The following PTPRD variants were observed in gnomAD, a reference collection of about 807,000 sequenced individuals.
The protein encoded by PTPRD is receptor-type tyrosine-protein phosphatase delta.
A neutral mutation model predicts 214.5 loss-of-function variants in PTPRD; 34 were observed. That is an observed-to-expected ratio of 0.16 (90% CI 0.12 to 0.21). PTPRD has a LOEUF of 0.21. Among genes scored for constraint, PTPRD ranks in the 10% least tolerant of loss-of-function variants. The pLI is 1.00. For missense variants in PTPRD, 2,545 were observed against 2,398.7 expected (o/e 1.06, Z -1.27); for synonymous variants, 1,128 against 845.7 (o/e 1.33, Z -5.79).
At chr9:10,267,392 G>A (rs1015028425) in intron 3 of PTPRD, among the ~76,000 whole-genome samples, 3 of 151,966 alleles carry the variant, frequency 2.0e-5, no homozygotes, top group Non-Finnish European at 4.4e-5. Context: ...TATGGTTTAA[G>A]CAATGAAAAA....
intron 3 of PTPRD, among the ~76,000 whole-genome samples, chr9:10,203,892 A>G (rs1441525293): frequency 6.6e-6 from 1 of 152,196 alleles, no homozygotes; most frequent in East Asian, 1.9e-4. Context: ...AAGATTAGAG[A>G]AAACAAATTT....
At chr9:10,289,312 C>G (rs762785325) in intron 3 of PTPRD, among the ~76,000 whole-genome samples, 2 of 152,122 alleles carry the variant, frequency 1.3e-5, no homozygotes, top group Non-Finnish European at 2.9e-5. Flanking sequence ...AACTTTTACA[C>G]TTTTGTTTCT....
chr9:9,201,847 T>A (rs992894259), intron 9 of PTPRD, among the ~76,000 whole-genome samples: 2 of 152,212 alleles, frequency 1.3e-5, no homozygotes, highest in Non-Finnish European at 2.9e-5. Context: ...GCCAAATGTT[T>A]ACCATGCAGA....
intron 10 of PTPRD, among the ~76,000 whole-genome samples, chr9:9,118,767 T>C (rs1455153380): frequency 6.6e-6 from 1 of 152,182 alleles, no homozygotes; most frequent in South Asian, 2.1e-4. Flanking sequence ...GCCCTTTTTA[T>C]TTTTATAATT....
At chr9:9,294,907 GT>G in intron 9 of PTPRD, among the ~76,000 whole-genome samples, 1 of 151,714 alleles carries the variant, frequency 6.6e-6, no homozygotes, top group Non-Finnish European at 1.5e-5. Context: ...GAATACTCAC[GT>G]TTTTATTCAG....
chr9:9,179,965 T>C (rs2099927206), intron 10 of PTPRD, among the ~76,000 whole-genome samples: 1 of 152,064 alleles, frequency 6.6e-6, no homozygotes, highest in Non-Finnish European at 1.5e-5. Flanking sequence ...AAATAAATGT[T>C]AAAATATTTA....
chr9:9,547,891 A>G (rs1350289493), intron 8 of PTPRD, among the ~76,000 whole-genome samples: 4 of 151,920 alleles, frequency 2.6e-5, no homozygotes, highest in Non-Finnish European at 4.4e-5. Flanking sequence ...GAAAAATGTG[A>G]AAGAAGCTCA....
chr9:8,529,121 G>A (rs956447375), intron 14 of PTPRD, among the ~76,000 whole-genome samples: 1 of 152,046 alleles, frequency 6.6e-6, no homozygotes, highest in Non-Finnish European at 1.5e-5. Flanking sequence ...AGGCATTTAG[G>A]AAAGAACACA....
chr9:8,697,114 A>G (rs575788985), intron 12 of PTPRD, among the ~76,000 whole-genome samples: 15 of 152,218 alleles, frequency 9.9e-5, no homozygotes, highest in Non-Finnish European at 1.8e-4. Context: ...TGGACAAAAC[A>G]TAAGAGTCAG....
chr9:10,133,705 A>C (rs556889941), intron 3 of PTPRD, among the ~76,000 whole-genome samples: 2 of 152,208 alleles, frequency 1.3e-5, no homozygotes, highest in Non-Finnish European at 2.9e-5. Flanking sequence ...ATAGTAACAA[A>C]GTTAATTAGT....
chr9:8,713,900 A>C, intron 12 of PTPRD: 6 of 841,414 alleles, frequency 7.1e-6, no homozygotes, highest in Non-Finnish European at 1.1e-5. Context: ...CGGTGGAAAA[A>C]AAAAAAAATC....
intron 8 of PTPRD, among the ~76,000 whole-genome samples, chr9:9,484,335 A>G (rs2095538673): frequency 6.6e-6 from 1 of 152,078 alleles, no homozygotes; most frequent in Non-Finnish European, 1.5e-5. Flanking sequence ...AGTTATATGA[A>G]CTCCAAGAAT....
intron 3 of PTPRD, among the ~76,000 whole-genome samples, chr9:10,297,511 T>C (rs553768970): frequency 6.7e-4 from 102 of 151,906 alleles, no homozygotes; most frequent in Non-Finnish European, 1.2e-3. Context: ...GGAAAGTGAA[T>C]TCCCAGGGTG....
chr9:9,585,455 A>C (rs1055310522), intron 7 of PTPRD, among the ~76,000 whole-genome samples: 12 of 152,100 alleles, frequency 7.9e-5, no homozygotes, highest in African/African-American at 2.9e-4. Flanking sequence ...CCTAGGTGCT[A>C]CTTTCCAAAC....
At chr9:9,895,152 TCCTTA>T (rs949787756) in intron 5 of PTPRD, among the ~76,000 whole-genome samples, 3 of 152,062 alleles carry the variant, frequency 2.0e-5, no homozygotes, top group Non-Finnish European at 4.4e-5. Flanking sequence ...TTGTCTTCTT[TCCTTA>T]CAAGTACTTG....
At chr9:9,261,914 G>A (rs1170668107) in intron 9 of PTPRD, among the ~76,000 whole-genome samples, 1 of 151,608 alleles carries the variant, frequency 6.6e-6, no homozygotes, top group African/African-American at 2.4e-5. Context: ...ATTTTCCCAG[G>A]AAGGCATCCT....
intron 7 of PTPRD, among the ~76,000 whole-genome samples, chr9:9,690,846 T>C (rs775443335): frequency 5.7e-4 from 86 of 150,290 alleles, no homozygotes; most frequent in East Asian, 3.0e-3. Flanking sequence ...GCTAGTGCCA[T>C]GCTGTTTTGG....
At position 8,944,760 on chromosome 9, in the gene PTPRD, T is replaced by C. The variant is rs187512270; in HGVS notation, c.-104+73937A>G. Among the ~76,000 whole-genome samples, 4 of 151,976 alleles carry C rather than the reference T, an allele frequency of 2.6e-5. No homozygotes were observed. The East Asian group carries it at 7.7e-4, about 29-fold the overall frequency. ...CCAGAGGCTGGGAAGAATAGTGGGGTTGGGGTGAAATAAGGATGATTAATG... is the reference window on the plus strand; with the variant it reads ...CCAGAGGCTGGGAAGAATAGTGGGGCTGGGGTGAAATAAGGATGATTAATG... On this transcript the variant is annotated intron_variant, in intron 11 of 45. Coordinates refer to ENST00000381196, the MANE Select transcript of PTPRD (RefSeq NM_002839.4).
intron 11 of PTPRD, among the ~76,000 whole-genome samples, chr9:8,986,267 T>C (rs917456547): frequency 2.0e-5 from 3 of 152,088 alleles, no homozygotes; most frequent in Admixed American, 2.0e-4. Flanking sequence ...ATGGTTCATA[T>C]CCACACTTTG....
Sources: allele counts gnomAD v4.1 joint callset (sites outside exome capture counted in the v4.1 genomes callset), GRCh38; gene constraint gnomAD v4.1.1; transcripts MANE v1.5; gene names NCBI Gene and HGNC (gene_info 2026-07-23, HGNC 2026-07-21).